Variants in FAM171A2 observed in about 807,000 individuals in gnomAD.
FAM171A2 encodes family with sequence similarity 171 member A2, also known as protein FAM171A2.
A neutral mutation model predicts 34.2 loss-of-function variants in FAM171A2; 13 were observed. That is an observed-to-expected ratio of 0.38 (90% confidence interval 0.25 to 0.60). The LOEUF (loss-of-function observed/expected upper bound fraction) is 0.60. FAM171A2 is among the 20% of genes least tolerant of loss of function. The pLI is 0.62. For synonymous variants in FAM171A2, 475 were observed against 561.2 expected (o/e 0.85, Z 2.17); for missense variants, 950 against 1,180.7 (o/e 0.80, Z 2.86).
Position 44,354,979 on chromosome 17 carries a change from C to T in FAM171A2, c.1235G>A (p.Arg412Gln), listed in dbSNP as rs929981307. The change falls in exon 8 of 8, where the codon CGG becomes CAG. Residue 412 changes from arginine to glutamine, a missense_variant. Around this residue, in one of 3 missense-constraint regions of FAM171A2, gnomAD observed 752 missense variants for 924.5 expected, o/e 0.81. Coordinates refer to ENST00000293443, the MANE Select transcript of FAM171A2 (RefSeq NM_198475.3). This position sits in a 1 kb window ranked among gnomAD's most constrained non-coding sequence, Gnocchi z 5.8. ...FSSSRDLASSRDDFFRTKPRS... is the reference protein window; with the variant it reads ...FSSSRDLASSQDDFFRTKPRS... The stretch of plus-strand genomic sequence containing the variant: ...CGGCTTGGTGCGGAAGAAGTCATCC[C>T]GGGAGGAGGCCAAGTCCCGGGAGCT... 3.4e-6 allele frequency: 5 copies of T among 1,480,224 alleles called. No individual in the cohort carries two copies. Among genetic ancestry groups the T allele is most frequent in the African/African-American group, 1.4e-5 (1 of 70,294 alleles). The allele number at this position is 1,480,224 out of a possible 1,614,324, so 91.7% of individuals were successfully genotyped here.
In FAM171A2 at chr17:44,354,285, C is replaced by T; in HGVS notation, c.1929G>A (p.Leu643=). The change falls in exon 8 of 8, where the codon CTG becomes CTA. Residue 643 remains leucine (L), a synonymous_variant. Transcript: ENST00000293443. This position sits in a 1 kb window ranked among gnomAD's most constrained non-coding sequence, Gnocchi z 5.8. ...GCGGGTGCGGCTTCACGCCCAGTTCCAGCAGCTTCTTCTCGGTCAGGGCCT... is the reference window on the plus strand; with the variant it reads ...GCGGGTGCGGCTTCACGCCCAGTTCTAGCAGCTTCTTCTCGGTCAGGGCCT... ...ELQALTEKKL[L]ELGVKPHPRA... 6.9e-7 allele frequency: 1 copy of T among 1,449,282 alleles called. No individual in the cohort carries two copies. The highest frequency in any genetic ancestry group is 1.3e-5 in the South Asian group (1 of 75,286). The allele number at this position is 1,449,282 out of a possible 1,614,324, so 89.8% of individuals were successfully genotyped here.
In FAM171A2 at chr17:44,355,839, G is replaced by A. The variant is rs2143370063; in HGVS notation, c.898C>T (p.Leu300=). The A allele has an allele frequency of 1.3e-6, 2 of 1,551,656 alleles. No homozygotes were observed. Among genetic ancestry groups the A allele is most frequent in the Non-Finnish European group, 1.7e-6 (2 of 1,147,000 alleles). ...VAAMASPTAG[L]VTITSGIQDI... ...TGGATGCCCGACGTGATGGTGACCA[G>A]CCCTGTGCCAGGCGAGGGCTTAGCG... is the stretch of plus-strand genomic sequence containing the variant. Residue 300 remains leucine (L), a splice_region_variant and synonymous_variant, in exon 7 of 8, where the codon CTG becomes TTG. Coordinates refer to ENST00000293443, the MANE Select transcript of FAM171A2 (RefSeq NM_198475.3). The surrounding 1 kb of genome is among the most constrained non-coding windows in gnomAD (Gnocchi z 4.1).
rs953769134 is a variant in FAM171A2, at chr17:44,354,046, C to CGCGGGGGCGCGGGCGGCG, written c.2150_2167dup (p.Pro717_Pro722dup). The CGCGGGGGCGCGGGCGGCG allele has an allele frequency of 2.4e-5, 27 of 1,147,958 alleles. No individual in the cohort carries two copies. The African/African-American group carries it at 3.9e-4, about 17-fold the overall frequency. The allele number at this position is 1,147,958 out of a possible 1,614,324, so 71.1% of individuals were successfully genotyped here. ...CTCCGTGTCCTCGCTGAGCGCCAGG[C>CGCGGGGGCGCGGGCGGCG]GCGGGGGCGCGGGCGGCGGCGGCGG... On this transcript the variant is annotated inframe_insertion, in exon 8 of 8. Coordinates refer to ENST00000293443, the MANE Select transcript of FAM171A2 (RefSeq NM_198475.3). This position sits in a 1 kb window ranked among gnomAD's most constrained non-coding sequence, Gnocchi z 5.8.
Position 44,355,158 on chromosome 17 carries a change from G to A in FAM171A2, c.1056C>T (p.Arg352=). ...RRCLKPRQQH[R]KLQLSGPSDG... is the part of the protein sequence containing the mutation. ...CAGAGGGCCCCGAGAGCTGCAGCTT[G>A]CGGTGCTGTTGCCTCGGCTTCAGGC... Residue 352 remains arginine (R), a synonymous_variant, in exon 8 of 8, where the codon CGC becomes CGT. Transcript: ENST00000293443. The surrounding 1 kb of genome is among the most constrained non-coding windows in gnomAD (Gnocchi z 4.1). 6 of 1,550,966 alleles carry A rather than the reference G, an allele frequency of 3.9e-6. No individual in the cohort carries two copies. Among genetic ancestry groups the A allele is most frequent in the Non-Finnish European group, 5.2e-6 (6 of 1,146,906 alleles).
In FAM171A2 at chr17:44,354,707, A is replaced by C; in HGVS notation, c.1507T>G (p.Ser503Ala). The C allele has an allele frequency of 2.2e-6, 3 of 1,343,924 alleles. No homozygotes were observed. The East Asian group carries it at 9.3e-5, about 42-fold the overall frequency. The allele number at this position is 1,343,924 out of a possible 1,614,324, so 83.2% of individuals were successfully genotyped here. A position where few individuals can be genotyped will look rare whatever the true frequency, so the allele number is the denominator to read the frequency against. The change falls in exon 8 of 8, where the codon TCG becomes GCG. Residue 503 changes from serine (S) to alanine (A), a missense_variant. This residue lies in a region of FAM171A2 where 752 missense variants were observed against 924.5 expected (regional missense o/e 0.81). Transcript: ENST00000293443. This position sits in a 1 kb window ranked among gnomAD's most constrained non-coding sequence, Gnocchi z 5.8. ...GGCGGCCGCGCCAGCTGGTCCACCG[A>C]CTGCGACAGCAGGAAGTCGGGGGTC... ...GKTPDFLLSQSVDQLARPPSL... is the reference protein window; with the variant it reads ...GKTPDFLLSQAVDQLARPPSL...
In FAM171A2 at chr17:44,356,412, G is replaced by T. The variant is rs757118510; in HGVS notation, c.598+18C>A. ...CTGAGCCTGGGGAGACCCCATCCGT[G>T]CTGGGCACCCAGCCTACCTGAGCTG... On this transcript the variant is annotated intron_variant, in intron 4 of 7. Transcript: ENST00000293443. 3.2e-6 allele frequency: 5 copies of T among 1,549,848 alleles called. No homozygotes were observed. In the South Asian group the frequency reaches 4.8e-5, roughly 15 times the overall value.
intron 1 of FAM171A2, among the ~76,000 whole-genome samples, chr17:44,361,929 C>T (rs181190099): frequency 4.5e-4 from 69 of 151,992 alleles, no homozygotes; most frequent in Admixed American, 8.5e-4. Flanking sequence ...ACCTCCATCC[C>T]GGGCTTAGGA....
Position 44,354,506 on chromosome 17 carries a change from G to A in FAM171A2, c.1708C>T (p.Pro570Ser), listed in dbSNP as rs1212832710. Reference sequence around the variant, plus strand: ...TGGGGAAAAGCGCGCGCCGGGCCGGGTGCCGTGCCCTCCGGCGGGGCCGGC... The same window carrying A: ...TGGGGAAAAGCGCGCGCCGGGCCGGATGCCGTGCCCTCCGGCGGGGCCGGC... ...DEPAPPEGTA[P>S]GPARAFPQPD... Residue 570 changes from proline to serine, a missense_variant, in exon 8 of 8, where the codon CCC becomes TCC. Pro to Ser is a moderately conservative substitution (Grantham distance 74). Coordinates refer to ENST00000293443, the MANE Select transcript of FAM171A2 (RefSeq NM_198475.3). The surrounding 1 kb of genome is among the most constrained non-coding windows in gnomAD (Gnocchi z 5.8). 6.9e-5 allele frequency: 77 copies of A among 1,110,334 alleles called. 1 individual carries two copies. In the Admixed American group the frequency reaches 3.4e-3, roughly 49 times the overall value. 68.8% of individuals were successfully genotyped at this position (1,110,334 alleles called of 1,614,324 possible). A position where few individuals can be genotyped will look rare whatever the true frequency, so the allele number is the denominator to read the frequency against.
Position 44,356,204 on chromosome 17 carries a change from G to A in FAM171A2, c.747C>T (p.Ser249=). The change falls in exon 5 of 8, where the codon AGC becomes AGT. Residue 249 remains serine, a synonymous_variant. Transcript: ENST00000293443. ...SETRALTVGT[S]IPAWRFDPKS... ...TGGGGTCAAATCTCCAGGCTGGAAT[G>A]CTGGTGCCCACGGTGAGGGCACGAG... The A allele has an allele frequency of 6.5e-7, 1 of 1,550,208 alleles. No individual in the cohort carries two copies. Among genetic ancestry groups the A allele is most frequent in the Non-Finnish European group, 8.7e-7 (1 of 1,145,920 alleles).
At chr17:44,357,377 G>A (rs1330216295) in intron 3 of FAM171A2, among the ~76,000 whole-genome samples, 1 of 148,448 alleles carries the variant, frequency 6.7e-6, no homozygotes, top group Non-Finnish European at 1.5e-5. Context: ...GGCCGAGCGC[G>A]GTGGCTCACG....
chr17:44,358,789 A>G (rs1170244049), intron 3 of FAM171A2, among the ~76,000 whole-genome samples: 1 of 152,148 alleles, frequency 6.6e-6, no homozygotes, highest in Non-Finnish European at 1.5e-5. Flanking sequence ...GAAACCCACC[A>G]TGGCCCTCTA....
In FAM171A2 at chr17:44,356,203, T is replaced by C. The variant is rs1244409534; in HGVS notation, c.748A>G (p.Ile250Val). The C allele has an allele frequency of 1.3e-6, 2 of 1,549,866 alleles. No homozygotes were observed. Among genetic ancestry groups the C allele is most frequent in the Middle Eastern group, 1.7e-4 (1 of 5,988 alleles). ...TTGGGGTCAAATCTCCAGGCTGGAA[T>C]GCTGGTGCCCACGGTGAGGGCACGA... ...ETRALTVGTS[I>V]PAWRFDPKSG... The change falls in exon 5 of 8, where the codon ATT becomes GTT. Residue 250 changes from isoleucine to valine, a missense_variant. Transcript: ENST00000293443.
Position 44,354,086 on chromosome 17 carries a change from C to T in FAM171A2, c.2128G>A (p.Ala710Thr). Residue 710 changes from alanine (A) to threonine (T), a missense_variant, in exon 8 of 8, where the codon GCC becomes ACC. By Grantham distance (58) the Ala-to-Thr change is moderately conservative. Around this residue, in one of 3 missense-constraint regions of FAM171A2, gnomAD observed 191 missense variants for 222.8 expected, o/e 0.86. Transcript: ENST00000293443. The surrounding 1 kb of genome is among the most constrained non-coding windows in gnomAD (Gnocchi z 5.8). ...GGCGGCGGCGGCGCGGCAGGCGGGG[C>T]GCGCTCCCGCTCCTCCCTCGCGGGC... Reference protein sequence around the residue: ...RRPAREERERAPPAAPPPPPA... With the variant: ...RRPAREERERTPPAAPPPPPA... 3.6e-6 allele frequency: 4 copies of T among 1,104,364 alleles called. No homozygotes were observed. The highest frequency in any genetic ancestry group is 5.2e-5 in the Admixed American group (1 of 19,398). 68.4% of individuals were successfully genotyped at this position (1,104,364 alleles called of 1,614,324 possible). A position where few individuals can be genotyped will look rare whatever the true frequency, so the allele number is the denominator to read the frequency against.
Position 44,354,964 on chromosome 17 carries a change from C to G in FAM171A2, c.1250G>C (p.Arg417Pro). 6.8e-7 allele frequency: 1 copy of G among 1,467,780 alleles called. No homozygotes were observed. The highest frequency in any genetic ancestry group is 1.4e-5 in the South Asian group (1 of 69,698). 90.9% of individuals were successfully genotyped at this position (1,467,780 alleles called of 1,614,324 possible). A position where few individuals can be genotyped will look rare whatever the true frequency, so the allele number is the denominator to read the frequency against. The change falls in exon 8 of 8, where the codon CGC becomes CCC. Residue 417 changes from arginine to proline, a missense_variant. By Grantham distance (103) the Arg-to-Pro change is moderately radical (BLOSUM62 -2). This residue lies in a region of FAM171A2 where 752 missense variants were observed against 924.5 expected (regional missense o/e 0.81). Transcript: ENST00000293443. The surrounding 1 kb of genome is among the most constrained non-coding windows in gnomAD (Gnocchi z 5.8). Reference sequence around the variant, plus strand: ...GCGGCTGGCAGAGCGCGGCTTGGTGCGGAAGAAGTCATCCCGGGAGGAGGC... The same window carrying G: ...GCGGCTGGCAGAGCGCGGCTTGGTGGGGAAGAAGTCATCCCGGGAGGAGGC... ...DLASSRDDFFRTKPRSASRPA... is the reference protein window; with the variant it reads ...DLASSRDDFFPTKPRSASRPA...
chr17:44,356,185 C>T lies in FAM171A2; in HGVS notation c.766G>A (p.Asp256Asn), dbSNP rs1233253033. The change falls in exon 5 of 8, where the codon GAC (aspartate) becomes AAC (asparagine). Residue 256 changes from aspartate to asparagine, a missense_variant. By Grantham distance (23) the Asp-to-Asn change is conservative (BLOSUM62 1). Coordinates refer to ENST00000293443, the MANE Select transcript of FAM171A2 (RefSeq NM_198475.3). ...VGTSIPAWRFDPKSGLWVRNG... is the reference protein window; with the variant it reads ...VGTSIPAWRFNPKSGLWVRNG... ...CTGAGGCACTTACCACTCTTGGGGT[C>T]AAATCTCCAGGCTGGAATGCTGGTG... The T allele has an allele frequency of 1.3e-6, 2 of 1,547,668 alleles. No homozygotes were observed. Among genetic ancestry groups the T allele is most frequent in the Non-Finnish European group, 1.7e-6 (2 of 1,144,122 alleles).
intron 3 of FAM171A2, among the ~76,000 whole-genome samples, chr17:44,357,294 C>A (rs2048428517): frequency 1.4e-5 from 2 of 147,276 alleles, no homozygotes; most frequent in African/African-American, 5.1e-5. Flanking sequence ...TTGCGGTGAG[C>A]TGAGATTGTG....
chr17:44,359,674 G>A lies in FAM171A2; in HGVS notation c.347-3C>T, dbSNP rs1399030240. The stretch of plus-strand genomic sequence containing the variant: ...GTAGAGGCTGACAGACGCATACACT[G>A]CGGGAGGGATGGCCGGTCAGCTCCA... On this transcript the variant is annotated splice_region_variant and splice_polypyrimidine_tract_variant and intron_variant, in intron 2 of 7. Coordinates refer to ENST00000293443, the MANE Select transcript of FAM171A2 (RefSeq NM_198475.3). 3 of 1,550,046 alleles carry A rather than the reference G, an allele frequency of 1.9e-6. No homozygotes were observed. Among genetic ancestry groups the A allele is most frequent in the Non-Finnish European group, 1.7e-6 (2 of 1,146,644 alleles).
At chr17:44,359,462 G>A (rs1479003537) in intron 3 of FAM171A2, 117 bp downstream of exon 3, 1 of 802,346 alleles carries the variant, frequency 1.2e-6, no homozygotes, top group African/African-American at 1.7e-5. Flanking sequence ...GCAAATTATG[G>A]CTCAGAGAGG....
At chr17:44,361,054 C>T (rs1244988341) in intron 1 of FAM171A2, among the ~76,000 whole-genome samples, 1 of 152,176 alleles carries the variant, frequency 6.6e-6, no homozygotes, top group East Asian at 1.9e-4. Flanking sequence ...AACCCAGGCC[C>T]AAGAGAACTA....
Sources: allele counts gnomAD v4.1 joint callset (sites outside exome capture counted in the v4.1 genomes callset), GRCh38; gene constraint gnomAD v4.1.1; regional missense constraint gnomAD v4.1.1; non-coding constraint Gnocchi (gnomAD v3.1); transcripts MANE v1.5; gene names NCBI Gene and HGNC (gene_info 2026-07-23, HGNC 2026-07-21).